Variants in SRGAP3 observed in about 807,000 individuals in gnomAD.
SRGAP3 encodes the protein SLIT-ROBO Rho GTPase activating protein 3.
Under a neutral mutation model 121.1 loss-of-function variants are expected in SRGAP3, and 39 were observed. The observed-to-expected ratio is 0.32, with a 90% CI of 0.25 to 0.42. The LOEUF is 0.42. SRGAP3 is among the 10% of genes least tolerant of loss of function. SRGAP3 has a pLI of 1.00. For missense variants in SRGAP3, 1,213 were observed against 1,470.6 expected, an observed-to-expected ratio of 0.82 and a Z score of 2.86; for synonymous variants, 601 against 570.0, an observed-to-expected ratio of 1.05 and a Z score of -0.77.
chr3:9,094,205 A>G (rs1293094804), intron 3 of SRGAP3, among the ~76,000 whole-genome samples: 1 of 152,198 alleles, frequency 6.6e-6, no homozygotes, highest in Non-Finnish European at 1.5e-5. Flanking sequence ...TAAACTATTC[A>G]TCTGTGTTCC....
At chr3:9,283,862 A>G (rs1003262098) in intron 3 of SRGAP3, among the ~76,000 whole-genome samples, 2 of 152,220 alleles carry the variant, frequency 1.3e-5, no homozygotes, top group African/African-American at 4.8e-5. Context: ...TGTTAAAACG[A>G]TAGTACACAT....
intron 1 of SRGAP3, among the ~76,000 whole-genome samples, chr3:9,165,333 T>G (rs566683931): frequency 2.0e-5 from 3 of 152,336 alleles, no homozygotes; most frequent in Non-Finnish European, 2.9e-5. Flanking sequence ...AAGCCTCATG[T>G]CCTGCTCTGG....
chr3:9,324,569 C>T (rs1401183791), intron 3 of SRGAP3, among the ~76,000 whole-genome samples: 6 of 151,978 alleles, frequency 3.9e-5, no homozygotes, highest in Non-Finnish European at 7.4e-5. Flanking sequence ...ACATTTAACA[C>T]GAGTGACTTC....
chr3:8,992,706 CCT>C (rs1294815964), intron 20 of SRGAP3, 198 bp downstream of exon 20: 1 of 765,798 alleles, frequency 1.3e-6, no homozygotes, highest in Non-Finnish European at 2.2e-6. Context: ...CCTCCTCCTC[CCT>C]GCAACACAGG....
chr3:9,288,296 C>T (rs1954814191), intron 3 of SRGAP3, among the ~76,000 whole-genome samples: 1 of 151,882 alleles, frequency 6.6e-6, no homozygotes, highest in Non-Finnish European at 1.5e-5. Flanking sequence ...CACCACCACA[C>T]CTGGCTAATT....
chr3:9,164,686 T>A (rs930108463), intron 1 of SRGAP3, among the ~76,000 whole-genome samples: 3 of 152,156 alleles, frequency 2.0e-5, no homozygotes, highest in Non-Finnish European at 4.4e-5. Context: ...ATGCTAAGCA[T>A]CTCCTTGCTG....
At chr3:9,069,807 C>T (rs1027519997) in intron 4 of SRGAP3, among the ~76,000 whole-genome samples, 9 of 152,100 alleles carry the variant, frequency 5.9e-5, no homozygotes, top group Non-Finnish European at 1.3e-4. Flanking sequence ...ATCAGCCAGG[C>T]GTGGTGGTGG....
At chr3:9,120,570 T>C (rs536453156) in intron 2 of SRGAP3, among the ~76,000 whole-genome samples, 1 of 152,324 alleles carries the variant, frequency 6.6e-6, no homozygotes, top group East Asian at 1.9e-4. Context: ...GAGTTGGAAG[T>C]CAAGAACCCT....
At chr3:9,000,058 C>T (rs1232983893) in intron 18 of SRGAP3, among the ~76,000 whole-genome samples, 1 of 152,198 alleles carries the variant, frequency 6.6e-6, no homozygotes, top group Admixed American at 6.5e-5. Flanking sequence ...GAGATGGAGG[C>T]TCCAACCCAG....
intron 18 of SRGAP3, among the ~76,000 whole-genome samples, chr3:8,997,604 A>G (rs767813894): frequency 6.6e-6 from 1 of 152,026 alleles, no homozygotes; most frequent in Non-Finnish European, 1.5e-5. Context: ...TCTCTCCTTC[A>G]CTAGCTCAAT....
intron 1 of SRGAP3, among the ~76,000 whole-genome samples, chr3:9,177,973 A>G (rs1432218291): frequency 1.3e-5 from 2 of 152,156 alleles, no homozygotes; most frequent in African/African-American, 2.4e-5. Flanking sequence ...ATGCCTGAAG[A>G]AGGTAAGCCT....
In SRGAP3 at chr3:9,056,403, G is replaced by C. The variant is rs1474733816; in HGVS notation, c.1024-69C>G. The C allele has an allele frequency of 2.0e-6, 3 of 1,515,668 alleles. No homozygotes were observed. The East Asian group carries it at 6.8e-5, about 35-fold the overall frequency. The allele number at this position is 1,515,668 out of a possible 1,614,324, so 93.9% of individuals were successfully genotyped here. On this transcript the variant is annotated intron_variant, in intron 7 of 21. Coordinates refer to ENST00000383836, the MANE Select transcript of SRGAP3 (RefSeq NM_014850.4). ...CTCACCTGTGTGGAGCTAGGGCAGG[G>C]GCTACCATTAACATCCCAATCACAG... is the stretch of plus-strand genomic sequence containing the variant.
intron 1 of SRGAP3, among the ~76,000 whole-genome samples, chr3:9,242,624 G>C (rs1054497090): frequency 1.3e-5 from 2 of 152,374 alleles, no homozygotes; most frequent in Non-Finnish European, 2.9e-5. Flanking sequence ...GACAGAGCAA[G>C]ACTCCATCTA....
At chr3:9,314,650 A>G (rs536513494) in intron 3 of SRGAP3, among the ~76,000 whole-genome samples, 1 of 151,092 alleles carries the variant, frequency 6.6e-6, no homozygotes, top group South Asian at 2.1e-4. Context: ...TCCTCTCCCC[A>G]CCCTGCCCTC....
At chr3:9,175,730 G>A (rs180868471) in intron 1 of SRGAP3, among the ~76,000 whole-genome samples, 87 of 152,316 alleles carry the variant, frequency 5.7e-4, no homozygotes, top group African/African-American at 2.0e-3. Context: ...GACCATCAAC[G>A]GAAATCAACA....
intron 1 of SRGAP3, among the ~76,000 whole-genome samples, chr3:9,211,797 T>A (rs2125178946): frequency 6.6e-6 from 1 of 151,248 alleles, no homozygotes; most frequent in South Asian, 2.1e-4. Context: ...CACATCAGCA[T>A]CCTGAGTAGC....
chr3:9,288,130 G>GTTT (rs57076828), intron 3 of SRGAP3, among the ~76,000 whole-genome samples: 12,489 of 118,978 alleles, frequency 0.1, 950 homozygotes, highest in Non-Finnish European at 0.14. Flanking sequence ...TTCTATCTTT[G>GTTT]TTTTTTTTTT....
chr3:9,234,041 C>T (rs988308277), intron 1 of SRGAP3, among the ~76,000 whole-genome samples: 3 of 152,124 alleles, frequency 2.0e-5, no homozygotes, highest in Non-Finnish European at 2.9e-5. Flanking sequence ...ATGCCAAGTA[C>T]GAGATCCAGC....
chr3:9,256,395 C>T (rs1954133317), intron 3 of SRGAP3, among the ~76,000 whole-genome samples: 1 of 152,218 alleles, frequency 6.6e-6, no homozygotes, highest in African/African-American at 2.4e-5. Flanking sequence ...ACAGGAAAGG[C>T]TTTAAATATC....
Sources: gnomAD v4.1 joint callset for allele counts (sites outside exome capture counted in the v4.1 genomes callset) on GRCh38, gnomAD v4.1.1 for gene constraint, MANE v1.5 for transcripts, NCBI Gene and HGNC (gene_info 2026-07-23, HGNC 2026-07-21) for gene names.